Variants in CDC14A observed in about 807,000 individuals in gnomAD.
CDC14A encodes dual specificity protein phosphatase CDC14A.
A neutral mutation model predicts 74.4 loss-of-function variants in CDC14A; 53 were observed. The ratio of observed to expected loss-of-function variants is 0.71; its 90% CI spans 0.57 to 0.89. The LOEUF (loss-of-function observed/expected upper bound fraction) is 0.89, where lower values mean the gene tolerates loss of function less well. CDC14A is among the 40% of genes least tolerant of loss of function. The pLI is 0.00. For missense variants in CDC14A, 646 were observed against 713.7 expected (o/e 0.91, Z 1.08); for synonymous variants, 247 against 258.4 (o/e 0.96, Z 0.43).
Position 100,424,269 on chromosome 1 carries a change from G to C in CDC14A, c.357G>C (p.Leu119=), listed in dbSNP as rs184524418. The change falls in exon 5 of 16, where the codon CTG becomes CTC. Residue 119 remains leucine (L), a synonymous_variant. Coordinates refer to ENST00000336454, the MANE Select transcript of CDC14A (RefSeq NM_003672.4). ...KTPEEAYRAL[L]SGSNPPYLPF... ...CAGAAGAAGCCTACAGAGCACTCCT[G>C]TCTGGCTCAAACCCCCCCTATCTTC... 19 of 1,613,580 alleles carry C rather than the reference G, an allele frequency of 1.2e-5. No individual in the cohort carries two copies. The East Asian group carries it at 4.0e-4, about 34-fold the overall frequency.
chr1:100,517,523 A>C (rs1243784713), intron 15 of CDC14A, among the ~76,000 whole-genome samples: 1 of 152,176 alleles, frequency 6.6e-6, no homozygotes, highest in Non-Finnish European at 1.5e-5. Context: ...GTAACTCTCT[A>C]TCTTTTCCTG....
intron 4 of CDC14A, chr1:100,393,046 C>A: frequency 7.2e-7 from 1 of 1,395,250 alleles, no homozygotes; most frequent in Non-Finnish European, 1.0e-6. Flanking sequence ...GAAGTCTTGC[C>A]GGATGTTTTC....
chr1:100,461,348 C>T (rs1246991901), intron 8 of CDC14A, among the ~76,000 whole-genome samples: 1 of 152,216 alleles, frequency 6.6e-6, no homozygotes, highest in Non-Finnish European at 1.5e-5. Flanking sequence ...TAAGAGTCGG[C>T]TTGGAGCTGA....
intron 2 of CDC14A, among the ~76,000 whole-genome samples, chr1:100,370,537 A>G (rs145929890): frequency 4.6e-5 from 7 of 152,330 alleles, no homozygotes; most frequent in East Asian, 3.9e-4. Context: ...TTGGCTAGCC[A>G]GCTATCCCAG....
chr1:100,353,815 C>T lies in CDC14A; in HGVS notation c.103C>T (p.His35Tyr), dbSNP rs754019123. The change falls in exon 2 of 16, where the codon CAC becomes TAC. Residue 35 changes from histidine to tyrosine, a missense_variant. Transcript: ENST00000336454. ...TAGACCAAAAAGCACAGTAAATACC[C>T]ACTATTTCTCCATCGATGAGGAGCT... is the stretch of plus-strand genomic sequence containing the variant. ...RNRPKSTVNT[H>Y]YFSIDEELVY... 9 of 1,608,982 alleles carry T rather than the reference C, an allele frequency of 5.6e-6. No homozygotes were observed. Among genetic ancestry groups the T allele is most frequent in the Middle Eastern group, 3.3e-4 (2 of 6,034 alleles).
chr1:100,485,342 C>T, intron 11 of CDC14A: 1 of 973,118 alleles, frequency 1.0e-6, no homozygotes, highest in South Asian at 4.7e-5. Context: ...AGCTAAGTAT[C>T]TGGTTTATAC....
chr1:100,401,040 C>T (rs1022855108), intron 4 of CDC14A, among the ~76,000 whole-genome samples: 3 of 152,158 alleles, frequency 2.0e-5, no homozygotes, highest in South Asian at 2.1e-4. Context: ...GTAATTTACT[C>T]ACAAATTTCT....
chr1:100,464,493 A>T (rs969120387), intron 9 of CDC14A, among the ~76,000 whole-genome samples: 1 of 152,188 alleles, frequency 6.6e-6, no homozygotes, highest in African/African-American at 2.4e-5. Context: ...CCCACATGTC[A>T]CGTATTTTAA....
intron 5 of CDC14A, among the ~76,000 whole-genome samples, chr1:100,435,307 A>G (rs999385738): frequency 6.6e-6 from 1 of 152,214 alleles, no homozygotes; most frequent in African/African-American, 2.4e-5. Flanking sequence ...TTGCTGACAT[A>G]TTAGGCTAAG....
rs1376852894 is a variant in CDC14A at position 100,498,939 on chromosome 1, A to G, written c.1432A>G (p.Asn478Asp). ...GTGTTTTCCATTCAGCTTTTCCATA[A>G]ACTCCCGGCTAGCCAGTTCTCTAGG... ...SGATVRSFSINSRLASSLGNL... is the reference protein window; with the variant it reads ...SGATVRSFSIDSRLASSLGNL... Residue 478 changes from asparagine to aspartate, a missense_variant, in exon 15 of 16, where the codon AAC becomes GAC. Transcript: ENST00000336454. 6.2e-7 allele frequency: 1 copy of G among 1,608,708 alleles called. No homozygotes were observed. Among genetic ancestry groups the G allele is most frequent in the Admixed American group, 1.7e-5 (1 of 59,410 alleles).
At chr1:100,482,044 C>T (rs1224447114) in intron 10 of CDC14A, among the ~76,000 whole-genome samples, 1 of 152,204 alleles carries the variant, frequency 6.6e-6, no homozygotes, top group Non-Finnish European at 1.5e-5. Context: ...ACACCTTATT[C>T]ATCTTTAATA....
chr1:100,510,500 C>T (rs1649637816), intron 15 of CDC14A, among the ~76,000 whole-genome samples: 1 of 152,140 alleles, frequency 6.6e-6, no homozygotes, highest in Admixed American at 6.5e-5. Context: ...TTAAACATTT[C>T]CCCCTCCTCC....
At chr1:100,395,318 C>A (rs1658320181) in intron 4 of CDC14A, among the ~76,000 whole-genome samples, 1 of 152,198 alleles carries the variant, frequency 6.6e-6, no homozygotes, top group Non-Finnish European at 1.5e-5. Context: ...TTTATTGTGA[C>A]AAAACAGAAG....
intron 4 of CDC14A, among the ~76,000 whole-genome samples, chr1:100,394,788 A>G (rs987287316): frequency 2.0e-5 from 3 of 152,216 alleles, no homozygotes; most frequent in Admixed American, 1.3e-4. Context: ...ATACACACGG[A>G]ACTAAAAATT....
intron 10 of CDC14A, among the ~76,000 whole-genome samples, chr1:100,478,393 CAGAT>C (rs1428121918): frequency 6.6e-6 from 1 of 152,052 alleles, no homozygotes; most frequent in African/African-American, 2.4e-5. Context: ...ACCTATATCA[CAGAT>C]AGATAGATCT....
At chr1:100,352,210 TA>T (rs908366296), upstream of CDC14A, among the ~76,000 whole-genome samples, 1 of 152,128 alleles carries the variant, frequency 6.6e-6, no homozygotes, top group African/African-American at 2.4e-5. Flanking sequence ...GTTTCATTCA[TA>T]AGTTTCTGGC....
Position 100,455,453 on chromosome 1 carries a change from G to A in CDC14A, c.568G>A (p.Ala190Thr). 1 of 1,600,752 alleles carries A rather than the reference G, an allele frequency of 6.2e-7. No individual in the cohort carries two copies. Among genetic ancestry groups the A allele is most frequent in the Non-Finnish European group, 8.5e-7 (1 of 1,176,174 alleles). The change falls in exon 8 of 16, where the codon GCA (alanine) becomes ACA (threonine). Residue 190 changes from alanine to threonine, a missense_variant. Ala to Thr is a moderately conservative substitution (Grantham distance 58). Transcript: ENST00000336454. ...CTGGATTGTTCCAGGAAAATTTTTA[G>A]CATTTAGTGGACCACATCCTAAAAG... ...FNWIVPGKFL[A>T]FSGPHPKSKI...
intron 8 of CDC14A, among the ~76,000 whole-genome samples, chr1:100,457,663 G>A (rs555548930): frequency 2.8e-4 from 42 of 149,182 alleles, no homozygotes; most frequent in Middle Eastern, 6.8e-3. Context: ...TAGAGATGAG[G>A]TCTCTATGTT....
chr1:100,464,907 ATTTCTTTTCT>A (rs767646802), intron 9 of CDC14A, among the ~76,000 whole-genome samples: 1 of 149,542 alleles, frequency 6.7e-6, no homozygotes, highest in Non-Finnish European at 1.5e-5. Flanking sequence ...TATATTGCAA[ATTTCTTTTCT>A]TTTCTTTTCT....
Sources: gnomAD v4.1 joint callset for allele counts (sites outside exome capture counted in the v4.1 genomes callset) on GRCh38, gnomAD v4.1.1 for gene constraint, MANE v1.5 for transcripts, NCBI Gene and HGNC (gene_info 2026-07-23, HGNC 2026-07-21) for gene names.